The following MCM9 variants were observed in gnomAD, a reference collection of about 807,000 sequenced individuals.
MCM9 encodes the protein minichromosome maintenance 9 homologous recombination repair factor.
Under a neutral mutation model 72.8 loss-of-function variants are expected in MCM9, and 55 were observed. The ratio of observed to expected loss-of-function variants is 0.76; its 90% CI spans 0.61 to 0.95. The LOEUF (loss-of-function observed/expected upper bound fraction) is 0.95. MCM9 is among the 40% of genes least tolerant of loss of function. The pLI is 0.00. For synonymous variants in MCM9, 480 were observed against 503.4 expected (o/e 0.95, Z 0.62); for missense variants, 1,279 against 1,377.0 (o/e 0.93, Z 1.13).
intron 8 of MCM9, among the ~76,000 whole-genome samples, chr6:118,891,063 C>T (rs1372392165): frequency 1.3e-5 from 2 of 152,200 alleles, no homozygotes; most frequent in Non-Finnish European, 2.9e-5. Flanking sequence ...TTTGAATTCG[C>T]TCTTTCATCT....
chr6:118,850,425 C>CA (rs1336037205), intron 9 of MCM9, among the ~76,000 whole-genome samples: 2 of 151,748 alleles, frequency 1.3e-5, no homozygotes, highest in African/African-American at 4.9e-5. Context: ...CCTAAGTTGA[C>CA]ATACATGAAC....
At chr6:118,844,395 A>G (rs922524531) in intron 9 of MCM9, among the ~76,000 whole-genome samples, 1 of 151,762 alleles carries the variant, frequency 6.6e-6, no homozygotes, top group African/African-American at 2.4e-5. Flanking sequence ...TGGAACTTTT[A>G]GAGTGTTTTC....
At chr6:118,818,817 G>A (rs1180582049) in intron 13 of MCM9, among the ~76,000 whole-genome samples, 8 of 152,178 alleles carry the variant, frequency 5.3e-5, no homozygotes. Flanking sequence ...GCAGTGGTTT[G>A]TAGTTCTCCT....
At chr6:118,817,619 A>G (rs139917890) in intron 13 of MCM9, among the ~76,000 whole-genome samples, 4 of 152,196 alleles carry the variant, frequency 2.6e-5, no homozygotes, top group African/African-American at 9.6e-5. Flanking sequence ...GTGTCTTTAC[A>G]GTAGAATGAT....
intron 8 of MCM9, chr6:118,894,184 T>A (rs1779175184): frequency 1.5e-5 from 19 of 1,298,354 alleles, no homozygotes; most frequent in Admixed American, 3.6e-5. Flanking sequence ...AGGGCAACGC[T>A]GCTACTTATC....
At chr6:118,919,869 C>T (rs1446409896) in intron 5 of MCM9, 7 of 152,248 alleles carry the variant, frequency 4.6e-5, no homozygotes, top group Admixed American at 6.5e-5. Flanking sequence ...AACTTCATTA[C>T]TCTGCATGTG....
At chr6:118,819,286 T>C (rs1242698482) in intron 13 of MCM9, among the ~76,000 whole-genome samples, 1 of 152,218 alleles carries the variant, frequency 6.6e-6, no homozygotes, top group Non-Finnish European at 1.5e-5. Context: ...TATTTTGAGA[T>C]ACTTTCCATC....
intron 8 of MCM9, among the ~76,000 whole-genome samples, chr6:118,892,974 ACT>A (rs1368836175): frequency 1.3e-5 from 2 of 152,114 alleles, no homozygotes; most frequent in Non-Finnish European, 1.5e-5. Flanking sequence ...CTAAGAGAAA[ACT>A]CTTCCAGAAC....
intron 5 of MCM9, chr6:118,920,579 T>C (rs1201247902): frequency 6.6e-6 from 1 of 152,262 alleles, no homozygotes; most frequent in African/African-American, 2.4e-5. Context: ...CATGAATGGC[T>C]TGGGCCACCC....
intron 9 of MCM9, among the ~76,000 whole-genome samples, chr6:118,851,037 T>C (rs1776191029): frequency 6.6e-6 from 1 of 151,636 alleles, no homozygotes; most frequent in African/African-American, 2.4e-5. Flanking sequence ...CTCAGTCTGG[T>C]CTTGAACTCC....
intron 9 of MCM9, among the ~76,000 whole-genome samples, chr6:118,841,045 GCTC>G (rs1214481596): frequency 6.6e-6 from 1 of 152,114 alleles, no homozygotes; most frequent in Non-Finnish European, 1.5e-5. Context: ...ACTGCGCTTG[GCTC>G]CTCCTCAACT....
chr6:118,928,478 G>A (rs1172590187), intron 3 of MCM9, among the ~76,000 whole-genome samples: 1 of 152,112 alleles, frequency 6.6e-6, no homozygotes, highest in Non-Finnish European at 1.5e-5. Flanking sequence ...TCACTTACTA[G>A]CTGTGTGACT....
intron 8 of MCM9, among the ~76,000 whole-genome samples, chr6:118,862,896 A>T (rs948151463): frequency 6.6e-6 from 1 of 152,094 alleles, no homozygotes; most frequent in Non-Finnish European, 1.5e-5. Context: ...ACCCTGAAAA[A>T]TTATCCTTTC....
chr6:118,826,766 C>A lies in MCM9; in HGVS notation c.1815+16G>T. On this transcript the variant is annotated intron_variant, in intron 12 of 13. Coordinates refer to ENST00000619706, the MANE Select transcript of MCM9 (RefSeq NM_017696.3). ...TTGTAATTAGGATAAAAATTAGGTA[C>A]ACAAAATATCCTTACCTGCATTGAG... 6.6e-7 allele frequency: 1 copy of A among 1,524,440 alleles called. No individual in the cohort carries two copies. Among genetic ancestry groups the A allele is most frequent in the Non-Finnish European group, 8.8e-7 (1 of 1,133,888 alleles). 94.4% of individuals were successfully genotyped at this position (1,524,440 alleles called of 1,614,324 possible).
chr6:118,890,977 G>A (rs1778906582), intron 8 of MCM9, among the ~76,000 whole-genome samples: 1 of 152,112 alleles, frequency 6.6e-6, no homozygotes, highest in African/African-American at 2.4e-5. Context: ...AGTAGACACG[G>A]GCTGACACTC....
chr6:118,895,640 C>T (rs1306861210), intron 8 of MCM9, among the ~76,000 whole-genome samples: 6 of 152,076 alleles, frequency 3.9e-5, no homozygotes. Context: ...TTTTTAATAT[C>T]TTTAGTAATA....
At chr6:118,866,470 T>C (rs1777223914) in intron 8 of MCM9, among the ~76,000 whole-genome samples, 1 of 151,672 alleles carries the variant, frequency 6.6e-6, no homozygotes, top group African/African-American at 2.4e-5. Flanking sequence ...AAGAAAAAAA[T>C]GAGAACATCA....
chr6:118,820,944 C>CA (rs554071999), intron 13 of MCM9, among the ~76,000 whole-genome samples: 120 of 152,238 alleles, frequency 7.9e-4, no homozygotes, highest in Non-Finnish European at 1.6e-3. Flanking sequence ...AGGATTGCAA[C>CA]CCCTGCTTTT....
intron 6 of MCM9, among the ~76,000 whole-genome samples, chr6:118,915,615 CTTTAG>C (rs1215859976): frequency 6.6e-6 from 1 of 152,122 alleles, no homozygotes; most frequent in Non-Finnish European, 1.5e-5. Context: ...CATTCTCCAG[CTTTAG>C]ACCAGCAAAA....
Sources: allele counts gnomAD v4.1 joint callset (sites outside exome capture counted in the v4.1 genomes callset), GRCh38; gene constraint gnomAD v4.1.1; transcripts MANE v1.5; gene names NCBI Gene and HGNC (gene_info 2026-07-23, HGNC 2026-07-21).